Variants in KCNMB3 observed in about 807,000 individuals in gnomAD.
KCNMB3 encodes calcium-activated potassium channel subunit beta-3.
Under a neutral mutation model 11.9 loss-of-function variants are expected in KCNMB3, and 18 were observed. The observed-to-expected ratio is 1.51, with a 90% CI of 1.04 to 2.23. KCNMB3 has a LOEUF of 2.23. KCNMB3 is among the 30% of genes most tolerant of loss of function. The probability of loss-of-function intolerance (pLI) is 0.00; values close to 1 mark genes in which losing one functional copy is unlikely to be tolerated. For synonymous variants in KCNMB3, 78 were observed against 119.2 expected, an observed-to-expected ratio of 0.65 and a Z score of 2.25; for missense variants, 247 against 329.4, an observed-to-expected ratio of 0.75 and a Z score of 1.94.
chr3:179,251,472 G>T, upstream of KCNMB3: 2 of 1,398,424 alleles, frequency 1.4e-6, no homozygotes, highest in Middle Eastern at 2.6e-4. Flanking sequence ...AAGTTGTCAT[G>T]GCTTCTTTGC....
intron 1 of KCNMB3, among the ~76,000 whole-genome samples, chr3:179,257,970 C>A (rs369572822): frequency 6.6e-6 from 1 of 152,106 alleles, no homozygotes; most frequent in Non-Finnish European, 1.5e-5. Context: ...CTGCAATCTC[C>A]GCCTCGCAGG....
chr3:179,258,980 T>A, intron 1 of KCNMB3: 10 of 1,614,162 alleles, frequency 6.2e-6, no homozygotes, highest in Non-Finnish European at 8.5e-6. Flanking sequence ...CCCCTCACAC[T>A]CAGACTTCCT....
At chr3:179,244,408 A>G in intron 2 of KCNMB3, 87 bp downstream of exon 2, 1 of 1,043,950 alleles carries the variant, frequency 9.6e-7, no homozygotes, top group South Asian at 1.3e-5. Context: ...ATCCCTAAAG[A>G]CAGCCCTGGG....
At chr3:179,257,025 T>C (rs1726032133) in intron 1 of KCNMB3, among the ~76,000 whole-genome samples, 1 of 152,080 alleles carries the variant, frequency 6.6e-6, no homozygotes, top group Admixed American at 6.5e-5. Flanking sequence ...CACCATCCAG[T>C]TGTAGTGGCA....
intron 1 of KCNMB3, among the ~76,000 whole-genome samples, chr3:179,258,616 T>C (rs1322577321): frequency 1.3e-5 from 2 of 152,240 alleles, no homozygotes; most frequent in Non-Finnish European, 1.5e-5. Context: ...ATTATATTCA[T>C]AATACAGAAG....
At position 179,251,085 on chromosome 3, in the gene KCNMB3, A is replaced by G; in HGVS notation, c.-95T>C. 1 of 1,614,218 alleles carries G rather than the reference A, an allele frequency of 6.2e-7. No homozygotes were observed. Among genetic ancestry groups the G allele is most frequent in the Non-Finnish European group, 8.5e-7 (1 of 1,180,020 alleles). ...GCAACAAAATGAAATCCCAGTTCAG[A>G]GCTTGGTGAAAAGTCCATCTAAATA... On this transcript the variant is annotated 5_prime_UTR_variant, in exon 1 of 3. Transcript: ENST00000392685.
intron 1 of KCNMB3, among the ~76,000 whole-genome samples, chr3:179,264,023 C>G (rs1726304968): frequency 6.6e-6 from 1 of 151,914 alleles, no homozygotes; most frequent in African/African-American, 2.4e-5. Flanking sequence ...CCAGGCTAGT[C>G]TCGAAATCTT....
intron 1 of KCNMB3, among the ~76,000 whole-genome samples, chr3:179,266,123 CA>C (rs1301661817): frequency 6.6e-6 from 1 of 152,114 alleles, no homozygotes; most frequent in Non-Finnish European, 1.5e-5. Context: ...GGAGATGAGG[CA>C]AACAGAGAAG....
intron 1 of KCNMB3, chr3:179,260,542 C>T (rs1455983598): frequency 1.3e-6 from 2 of 1,595,566 alleles, no homozygotes; most frequent in East Asian, 4.5e-5. Flanking sequence ...ACCTCCACCT[C>T]ACTGGCTTTC....
In KCNMB3 at chr3:179,261,010, G is replaced by C; in HGVS notation, c.62+5639C>G. ...TGTCGATGGATATAGAGGTGTCTCC[G>C]CTGCCTCTCTGAGAGGAAGTCCCAC... On this transcript the variant is annotated intron_variant, in intron 1 of 3. Transcript: ENST00000349697. 5 of 976,152 alleles carry C rather than the reference G, an allele frequency of 5.1e-6. 1 individual carries two copies. In the South Asian group the frequency reaches 6.3e-5, roughly 12 times the overall value. 60.5% of individuals were successfully genotyped at this position (976,152 alleles called of 1,614,324 possible).
chr3:179,243,579 T>C (rs1312886347), intron 2 of KCNMB3, among the ~76,000 whole-genome samples: 1 of 152,246 alleles, frequency 6.6e-6, no homozygotes, highest in Non-Finnish European at 1.5e-5. Flanking sequence ...TGCAGGTTCT[T>C]GGACTCTTGG....
chr3:179,259,986 T>C, intron 1 of KCNMB3: 1 of 1,613,022 alleles, frequency 6.2e-7, no homozygotes, highest in Admixed American at 1.7e-5. Context: ...CACTGGAACC[T>C]CCTTGGGCTC....
chr3:179,266,156 A>G (rs1184282345), intron 1 of KCNMB3, among the ~76,000 whole-genome samples: 1 of 152,136 alleles, frequency 6.6e-6, no homozygotes, highest in Non-Finnish European at 1.5e-5. Context: ...GCCCAGTCAT[A>G]TGGCTGATTA....
chr3:179,255,957 T>A (rs575027003), upstream of KCNMB3, among the ~76,000 whole-genome samples: 1 of 152,166 alleles, frequency 6.6e-6, no homozygotes, highest in Non-Finnish European at 1.5e-5. Context: ...AAAAAAATCC[T>A]CTCAATGAAT....
chr3:179,250,699 T>G (rs1391856082), intron 1 of KCNMB3, 44 bp downstream of exon 1: 3 of 1,597,934 alleles, frequency 1.9e-6, no homozygotes, highest in African/African-American at 2.7e-5. Context: ...TGCCTGGATC[T>G]TATCTGAATT....
chr3:179,264,420 C>G (rs1218515531), intron 1 of KCNMB3, among the ~76,000 whole-genome samples: 1 of 152,108 alleles, frequency 6.6e-6, no homozygotes, highest in Non-Finnish European at 1.5e-5. Flanking sequence ...GCTTTCTAGT[C>G]AGGAAGATGG....
At chr3:179,240,892 G>T (rs1338906966), downstream of KCNMB3, 2 of 152,238 alleles carry the variant, frequency 1.3e-5, no homozygotes, top group South Asian at 2.1e-4. Flanking sequence ...ATGTGCAGAT[G>T]ATTTAAAATG....
At chr3:179,259,566 G>A (rs1344516811) in intron 1 of KCNMB3, 2 of 1,608,980 alleles carry the variant, frequency 1.2e-6, no homozygotes, top group East Asian at 2.2e-5. Flanking sequence ...TGGATTTTCA[G>A]TCACCTCGTT....
chr3:179,258,896 C>A, intron 1 of KCNMB3: 1 of 1,603,452 alleles, frequency 6.2e-7, no homozygotes, highest in East Asian at 2.2e-5. Context: ...CAGTAGATCA[C>A]CTGGTGATTG....
Sources: gnomAD v4.1 joint callset for allele counts (sites outside exome capture counted in the v4.1 genomes callset) on GRCh38, gnomAD v4.1.1 for gene constraint, MANE v1.5 for transcripts, NCBI Gene and HGNC (gene_info 2026-07-23, HGNC 2026-07-21) for gene names.